ADAMTS19: variants seen among roughly 807,000 people sequenced by gnomAD.
ADAMTS19 encodes A disintegrin and metalloproteinase with thrombospondin motifs 19.
In ADAMTS19, 93 loss-of-function variants were observed where a neutral mutation model predicts 153.3. That is an observed-to-expected ratio of 0.61 (90% CI 0.51 to 0.72). The LOEUF (loss-of-function observed/expected upper bound fraction) is 0.72. ADAMTS19 is among the 30% of genes least tolerant of loss of function. ADAMTS19 has a pLI of 0.00. For missense variants in ADAMTS19, 1,482 were observed against 1,552.1 expected (o/e 0.95, Z 0.76); for synonymous variants, 600 against 556.6 (o/e 1.08, Z -1.10).
At chr5:129,665,045 T>C (rs188668585) in intron 15 of ADAMTS19, among the ~76,000 whole-genome samples, 6 of 152,274 alleles carry the variant, frequency 3.9e-5, no homozygotes, top group African/African-American at 9.6e-5. Flanking sequence ...TAGTGTCCTA[T>C]ACTTCAGTAC....
At chr5:129,561,155 TAGTG>T (rs1753499186) in intron 7 of ADAMTS19, among the ~76,000 whole-genome samples, 1 of 152,150 alleles carries the variant, frequency 6.6e-6, no homozygotes, top group South Asian at 2.1e-4. Context: ...ACAATAAAAA[TAGTG>T]AGAAGCCATG....
chr5:129,652,048 G>C (rs569091425), intron 13 of ADAMTS19, among the ~76,000 whole-genome samples: 1 of 152,126 alleles, frequency 6.6e-6, no homozygotes, highest in South Asian at 2.1e-4. Flanking sequence ...ATCAGAGTTG[G>C]ATGGGCATGA....
intron 8 of ADAMTS19, among the ~76,000 whole-genome samples, chr5:129,616,002 A>G (rs972060720): frequency 2.6e-5 from 4 of 151,994 alleles, no homozygotes; most frequent in Non-Finnish European, 4.4e-5. Flanking sequence ...ATGCACGACA[A>G]CGTCAAAAGG....
intron 19 of ADAMTS19, among the ~76,000 whole-genome samples, chr5:129,695,268 T>C (rs1308087335): frequency 2.6e-5 from 4 of 152,082 alleles, no homozygotes; most frequent in Admixed American, 6.6e-5. Flanking sequence ...CAGGCCAGTG[T>C]AGTGTTTCTG....
At chr5:129,655,765 T>C (rs959347551) in intron 14 of ADAMTS19, among the ~76,000 whole-genome samples, 3 of 152,206 alleles carry the variant, frequency 2.0e-5, no homozygotes, top group Non-Finnish European at 4.4e-5. Flanking sequence ...AACACGAAAC[T>C]TAAATCCTTT....
chr5:129,579,460 A>G (rs911694364), intron 7 of ADAMTS19, among the ~76,000 whole-genome samples: 6 of 152,168 alleles, frequency 3.9e-5, no homozygotes, highest in East Asian at 1.9e-4. Flanking sequence ...CCATTTGTCA[A>G]TTGTGCCTTT....
rs1331829023 is a variant in ADAMTS19, at chr5:129,737,214, G to T, written c.3638G>T (p.Ser1213Ile). Residue 1213 changes from serine to isoleucine, a missense_variant, in exon 23 of 23, where the codon AGT (serine) becomes ATT (isoleucine). Transcript: ENST00000274487. ...TATGCCCAAAAGCTGCAGCAGAAGAGTTGACCTCTAGCAGGCTGGCTGGAT... is the reference window on the plus strand; with the variant it reads ...TATGCCCAAAAGCTGCAGCAGAAGATTTGACCTCTAGCAGGCTGGCTGGAT... ...DFYAQKLQQK[S>I] 6.3e-7 allele frequency: 1 copy of T among 1,597,262 alleles called. No individual in the cohort carries two copies. Among genetic ancestry groups the T allele is most frequent in the Non-Finnish European group, 8.6e-7 (1 of 1,168,868 alleles).
chr5:129,697,576 C>T (rs1408832904), intron 19 of ADAMTS19, among the ~76,000 whole-genome samples: 1 of 152,166 alleles, frequency 6.6e-6, no homozygotes, highest in African/African-American at 2.4e-5. Flanking sequence ...GCTTTTCAGC[C>T]TAACTGCATA....
rs866443553 is a variant in ADAMTS19 at position 129,684,117 on chromosome 5, T to C, written c.2665-3T>C. ...CTGCCTTGATCATTTTTGTATACTA[T>C]AGGTGCTCCTGTTTCAGGATCAGAA... On this transcript the variant is annotated splice_polypyrimidine_tract_variant and splice_region_variant and intron_variant, in intron 17 of 22. Transcript: ENST00000274487. 2 of 1,613,628 alleles carry C rather than the reference T, an allele frequency of 1.2e-6. No homozygotes were observed. Among genetic ancestry groups the C allele is most frequent in the Middle Eastern group, 1.7e-4 (1 of 6,056 alleles).
chr5:129,644,751 C>T (rs1188126033), intron 11 of ADAMTS19, among the ~76,000 whole-genome samples: 1 of 152,004 alleles, frequency 6.6e-6, no homozygotes, highest in African/African-American at 2.4e-5. Context: ...ACTTACAGTA[C>T]TTACTAGAAA....
intron 21 of ADAMTS19, among the ~76,000 whole-genome samples, chr5:129,706,261 G>A (rs1756145682): frequency 6.6e-6 from 1 of 152,110 alleles, no homozygotes; most frequent in African/African-American, 2.4e-5. Flanking sequence ...TTCCAACTTT[G>A]GTGATAAATA....
Position 129,480,090 on chromosome 5 carries a change from T to G in ADAMTS19, c.747+18333T>G, listed in dbSNP as rs117647169. Among the ~76,000 whole-genome samples the G allele has an allele frequency of 4.9e-4, 74 of 152,238 alleles. No homozygotes were observed. In the East Asian group the frequency reaches 0.014, roughly 28 times the overall value. On this transcript the variant is annotated intron_variant, in intron 2 of 22. Coordinates refer to ENST00000274487, the MANE Select transcript of ADAMTS19 (RefSeq NM_133638.6). ...CTTTAAAATCCAAATAATCTGATAT[T>G]GGAACAAAGAGGCATATGGAACATA...
chr5:129,549,715 A>T (rs966807154), intron 6 of ADAMTS19, among the ~76,000 whole-genome samples: 1 of 151,218 alleles, frequency 6.6e-6, no homozygotes, highest in African/African-American at 2.4e-5. Flanking sequence ...TGTAATGAGC[A>T]TATATGGAAC....
chr5:129,601,281 T>C (rs1395499845), intron 8 of ADAMTS19, among the ~76,000 whole-genome samples: 1 of 152,224 alleles, frequency 6.6e-6, no homozygotes, highest in East Asian at 1.9e-4. Context: ...CATAATTTAA[T>C]GTGATGAAGT....
At chr5:129,550,549 C>T (rs954082406) in intron 6 of ADAMTS19, among the ~76,000 whole-genome samples, 2 of 149,140 alleles carry the variant, frequency 1.3e-5, no homozygotes, top group African/African-American at 4.9e-5. Context: ...TACATCTATA[C>T]ATATATCTAT....
intron 2 of ADAMTS19, among the ~76,000 whole-genome samples, chr5:129,498,460 C>T (rs1445812364): frequency 2.6e-5 from 4 of 151,910 alleles, no homozygotes; most frequent in African/African-American, 9.7e-5. Context: ...CCTGTTTCTT[C>T]TGGTACTAAG....
rs182131011 is a variant in ADAMTS19 at position 129,518,968 on chromosome 5, C to A, written c.914-7316C>A. Among the ~76,000 whole-genome samples, 42 of 152,206 alleles carry A rather than the reference C, an allele frequency of 2.8e-4. 2 individuals carry two copies. In the East Asian group the frequency reaches 7.9e-3, roughly 29 times the overall value. ...TCTTTCTTTTGTTTGTTCAATTCTG[C>A]TATTAAAAGACTGTGATTCACTCTT... On this transcript the variant is annotated intron_variant, in intron 3 of 22. Transcript: ENST00000274487.
Position 129,735,055 on chromosome 5 carries a change from C to A in ADAMTS19, c.3436C>A (p.Leu1146Ile). 6.2e-7 allele frequency: 1 copy of A among 1,609,676 alleles called. No individual in the cohort carries two copies. The highest frequency in any genetic ancestry group is 2.2e-5 in the East Asian group (1 of 44,736). ...ACCTGCAGCATACAGGCCATGCCATCTTCAACCCTGCAATGAGAAAATTAA... is the reference window on the plus strand; with the variant it reads ...ACCTGCAGCATACAGGCCATGCCATATTCAACCCTGCAATGAGAAAATTAA... ...EKPAAYRPCH[L>I]QPCNEKINVN... Residue 1146 changes from leucine (L) to isoleucine (I), a missense_variant, in exon 22 of 23, where the codon CTT (leucine) becomes ATT (isoleucine). By Grantham distance (5) the Leu-to-Ile change is conservative. Around this residue, in one of 2 missense-constraint regions of ADAMTS19, gnomAD observed 616 missense variants for 724.4 expected, o/e 0.85. Transcript: ENST00000274487.
chr5:129,649,701 A>T (rs1000186748), intron 13 of ADAMTS19, among the ~76,000 whole-genome samples: 2 of 152,192 alleles, frequency 1.3e-5, no homozygotes. Flanking sequence ...ACAGCTATAC[A>T]CACACAGGTA....
Sources: allele counts gnomAD v4.1 joint callset (sites outside exome capture counted in the v4.1 genomes callset), GRCh38; gene constraint gnomAD v4.1.1; regional missense constraint gnomAD v4.1.1; transcripts MANE v1.5; gene names NCBI Gene and HGNC (gene_info 2026-07-23, HGNC 2026-07-21).